Variants in FGFR3 observed in about 807,000 individuals in gnomAD.
FGFR3 encodes the protein fibroblast growth factor receptor 3.
Under a neutral mutation model 82.9 loss-of-function variants are expected in FGFR3, and 25 were observed. The ratio of observed to expected loss-of-function variants is 0.30; its 90% CI spans 0.22 to 0.42. The LOEUF is 0.42. FGFR3 is among the 10% of genes least tolerant of loss of function. FGFR3 has a pLI of 1.00. For missense variants in FGFR3, 1,026 were observed against 1,161.0 expected, an observed-to-expected ratio of 0.88 and a Z score of 1.69; for synonymous variants, 620 against 516.0, an observed-to-expected ratio of 1.20 and a Z score of -2.73.
intron 9 of FGFR3, 104 bp from the exon 10 acceptor site, chr4:1,804,720 T>G: frequency 6.9e-7 from 1 of 1,455,694 alleles, no homozygotes; most frequent in Non-Finnish European, 9.4e-7. Context: ...TCAATGCTGG[T>G]GGAAGTCAGA....
rs1482277979 is a variant in FGFR3 at position 1,808,090 on chromosome 4, CTG to C, written c.*829_*830del. On this transcript the variant is annotated 3_prime_UTR_variant, in exon 18 of 18. Coordinates refer to ENST00000440486, the MANE Select transcript of FGFR3 (RefSeq NM_000142.5). ...CTGGCACCGCAGTTTTGTTTTAAAA[CTG>C]GACCTGTATATTTGTAAAGCTATTT... 1 of 233,260 alleles carries C rather than the reference CTG, an allele frequency of 4.3e-6. No homozygotes were observed. Among genetic ancestry groups the C allele is most frequent in the African/African-American group, 2.2e-5 (1 of 45,312 alleles). The allele number at this position is 233,260 out of a possible 1,614,324, so 14.4% of individuals were successfully genotyped here. A position where few individuals can be genotyped will look rare whatever the true frequency, so the allele number is the denominator to read the frequency against.
At chr4:1,806,011 G>A (rs1157713056) in intron 13 of FGFR3, 40 bp from the exon 14 acceptor site, 1 of 1,612,642 alleles carries the variant, frequency 6.2e-7, no homozygotes, top group Non-Finnish European at 8.5e-7. Flanking sequence ...AGCGGGGAGA[G>A]GTGGAGAGGC....
intron 2 of FGFR3, among the ~76,000 whole-genome samples, chr4:1,796,594 C>T (rs1720544657): frequency 6.6e-6 from 1 of 152,196 alleles, no homozygotes; most frequent in South Asian, 2.1e-4. Flanking sequence ...TCCTTGTTCT[C>T]TGGGGTCAAC....
At position 1,793,477 on chromosome 4, in the gene FGFR3, G is replaced by T. The variant is rs1720069826; in HGVS notation, c.-103+12G>T. On this transcript the variant is annotated intron_variant, in intron 1 of 17. Coordinates refer to ENST00000440486, the MANE Select transcript of FGFR3 (RefSeq NM_000142.5). ...CCGGCGCTCGCCAGGTCCGTGCTTG[G>T]GGCCGGGCAGGCTCGCGGAGGGGTC... 1 of 149,500 alleles carries T rather than the reference G, an allele frequency of 6.7e-6. No homozygotes were observed. Among genetic ancestry groups the T allele is most frequent in the African/African-American group, 2.4e-5 (1 of 41,152 alleles). The allele number at this position is 149,500 out of a possible 1,614,324, so 9.3% of individuals were successfully genotyped here. A position where few individuals can be genotyped will look rare whatever the true frequency, so the allele number is the denominator to read the frequency against.
rs3135901 is a variant in FGFR3, at chr4:1,807,446, C to T, written c.*184C>T. 0.01 allele frequency: 9,463 copies of T among 934,964 alleles called. 612 individuals are homozygous for T. The African/African-American group carries it at 0.13, about 13-fold the overall frequency. The allele number at this position is 934,964 out of a possible 1,614,324, so 57.9% of individuals were successfully genotyped here. ...ACATCCGCGTGTGCCTGTGTGCGTGCGCATCTTGCCTCCAGGTGCAGAGGT... is the reference window on the plus strand; with the variant it reads ...ACATCCGCGTGTGCCTGTGTGCGTGTGCATCTTGCCTCCAGGTGCAGAGGT... On this transcript the variant is annotated 3_prime_UTR_variant, in exon 18 of 18. Transcript: ENST00000440486.
In FGFR3 at chr4:1,808,549, T is replaced by C; in HGVS notation, c.*1287T>C. 1 of 229,784 alleles carries C rather than the reference T, an allele frequency of 4.4e-6. No individual in the cohort carries two copies. The highest frequency in any genetic ancestry group is 2.2e-5 in the African/African-American group (1 of 45,180). 14.2% of individuals were successfully genotyped at this position (229,784 alleles called of 1,614,324 possible). A position where few individuals can be genotyped will look rare whatever the true frequency, so the allele number is the denominator to read the frequency against. On this transcript the variant is annotated 3_prime_UTR_variant, in exon 18 of 18. Coordinates refer to ENST00000440486, the MANE Select transcript of FGFR3 (RefSeq NM_000142.5). The stretch of plus-strand genomic sequence containing the variant: ...TGTTACAAGTTTATATATATCTATA[T>C]ATATAATTTATTGAGTTTTTACAAG...
intron 2 of FGFR3, among the ~76,000 whole-genome samples, chr4:1,794,824 A>C (rs925568449): frequency 6.6e-6 from 1 of 151,388 alleles, no homozygotes; most frequent in Non-Finnish European, 1.5e-5. Flanking sequence ...CCGGCTCCGG[A>C]CGGGCGAGGG....
In FGFR3 at chr4:1,807,191, G is replaced by T; in HGVS notation, c.2350G>T (p.Gly784Trp). 6.2e-7 allele frequency: 1 copy of T among 1,607,280 alleles called. No individual in the cohort carries two copies. Residue 784 changes from glycine to tryptophan, a missense_variant, in exon 18 of 18, where the codon GGG becomes TGG. Coordinates refer to ENST00000440486, the MANE Select transcript of FGFR3 (RefSeq NM_000142.5). ...GGACACCCCCAGCTCCAGCTCCTCA[G>T]GGGACGACTCCGTGTTTGCCCACGA... ...GQDTPSSSSS[G>W]DDSVFAHDLL... is the part of the protein sequence containing the mutation.
At chr4:1,795,289 G>C (rs1720353003) in intron 2 of FGFR3, among the ~76,000 whole-genome samples, 1 of 152,026 alleles carries the variant, frequency 6.6e-6, no homozygotes, top group Non-Finnish European at 1.5e-5. Context: ...TTCTCATTCA[G>C]ATAAAGATAT....
In FGFR3 at chr4:1,806,115, C is replaced by G. The variant is rs573600072; in HGVS notation, c.1901C>G (p.Ala634Gly). The G allele has an allele frequency of 6.2e-7, 1 of 1,613,606 alleles. No homozygotes were observed. The highest frequency in any genetic ancestry group is 1.1e-5 in the South Asian group (1 of 91,078). ...ACCGAGGACAACGTGATGAAGATCGCAGACTTCGGGCTGGCCCGGGACGTG... is the reference window on the plus strand; with the variant it reads ...ACCGAGGACAACGTGATGAAGATCGGAGACTTCGGGCTGGCCCGGGACGTG... Reference protein sequence around the residue: ...LVTEDNVMKIADFGLARDVHN... With the variant: ...LVTEDNVMKIGDFGLARDVHN... Residue 634 changes from alanine (A) to glycine (G), a missense_variant, in exon 14 of 18, where the codon GCA becomes GGA. Physicochemically the swap from Ala to Gly is moderately conservative, Grantham distance 60. This residue lies in a region of FGFR3 where 0 missense variants were observed against 18.2 expected (regional missense o/e 0.00). Coordinates refer to ENST00000440486, the MANE Select transcript of FGFR3 (RefSeq NM_000142.5).
chr4:1,795,396 C>A (rs905924802), intron 2 of FGFR3, among the ~76,000 whole-genome samples: 8 of 151,810 alleles, frequency 5.3e-5, no homozygotes, highest in Non-Finnish European at 8.8e-5. Context: ...CGCGGGGCCT[C>A]CCCCAGTCGC....
rs1293700770 is a variant in FGFR3, at chr4:1,806,052, G to A, written c.1838G>A (p.Cys613Tyr). 5 of 1,613,358 alleles carry A rather than the reference G, an allele frequency of 3.1e-6. No homozygotes were observed. Among genetic ancestry groups the A allele is most frequent in the South Asian group, 2.2e-5 (2 of 91,088 alleles). The part of the protein sequence containing the change: ...RGMEYLASQK[C>Y]IHRDLAARNV... Reference sequence around the variant, plus strand: ...CCCTGCCTCCCACCCCTTCCCCAGTGCATCCACAGGGACCTGGCTGCCCGC... The same window carrying A: ...CCCTGCCTCCCACCCCTTCCCCAGTACATCCACAGGGACCTGGCTGCCCGC... Residue 613 changes from cysteine to tyrosine, a missense_variant and splice_region_variant, in exon 14 of 18, where the codon TGC becomes TAC. By Grantham distance (194) the Cys-to-Tyr change is radical. This residue lies in a region of FGFR3 where 164 missense variants were observed against 167.5 expected (regional missense o/e 0.98). Transcript: ENST00000440486.
Position 1,807,953 on chromosome 4 carries a change from C to T in FGFR3, c.*691C>T, listed in dbSNP as rs1577299185. On this transcript the variant is annotated 3_prime_UTR_variant, in exon 18 of 18. Coordinates refer to ENST00000440486, the MANE Select transcript of FGFR3 (RefSeq NM_000142.5). Reference sequence around the variant, plus strand: ...GAGGAAAAGGCTGGTACAACGGAGGCCTGCGACCCTGGGGGCACAGGAGGC... The same window carrying T: ...GAGGAAAAGGCTGGTACAACGGAGGTCTGCGACCCTGGGGGCACAGGAGGC... 7.9e-6 allele frequency: 2 copies of T among 254,718 alleles called. No homozygotes were observed. Among genetic ancestry groups the T allele is most frequent in the East Asian group, 1.2e-4 (2 of 17,268 alleles). 15.8% of individuals were successfully genotyped at this position (254,718 alleles called of 1,614,324 possible). A position where few individuals can be genotyped will look rare whatever the true frequency, so the allele number is the denominator to read the frequency against.
rs556630886 is a variant in FGFR3 at position 1,799,888 on chromosome 4, A to T, written c.445+76A>T. 25 of 1,544,548 alleles carry T rather than the reference A, an allele frequency of 1.6e-5. No individual in the cohort carries two copies. The African/African-American group carries it at 3.1e-4, about 19-fold the overall frequency. ...CCGCCAAGCCCTGCCCTTCACAGGC[A>T]GCTGAGGGACTAAGGCCCCGGAACA... On this transcript the variant is annotated intron_variant, in intron 4 of 17. Transcript: ENST00000440486.
intron 10 of FGFR3, 36 bp from the exon 11 acceptor site, chr4:1,805,319 T>C (rs1410195202): frequency 2.5e-6 from 4 of 1,607,236 alleles, no homozygotes; most frequent in Non-Finnish European, 3.4e-6. Flanking sequence ...AGTGGGCGAG[T>C]TTGCACACTC....
intron 2 of FGFR3, among the ~76,000 whole-genome samples, chr4:1,798,112 C>T (rs1422248908): frequency 6.6e-6 from 1 of 152,122 alleles, no homozygotes; most frequent in Non-Finnish European, 1.5e-5. Context: ...CCCCCCAGCC[C>T]TGCCCATGGT....
Position 1,804,923 on chromosome 4 carries a change from G to A in FGFR3, c.1366G>A (p.Glu456Lys), listed in dbSNP as rs1201375716. Residue 456 changes from glutamate to lysine, a missense_variant, in exon 10 of 18, where the codon GAG (glutamate) becomes AAG (lysine). This residue lies in a region of FGFR3 where 256 missense variants were observed against 217.6 expected (regional missense o/e 1.18). Transcript: ENST00000440486. ...GEGPTLANVS[E>K]LELPADPKWE... ...GGGCCCCACGCTGGCCAATGTCTCC[G>A]AGCTCGAGCTGCCTGCCGACCCCAA... The A allele has an allele frequency of 1.1e-5, 17 of 1,549,980 alleles. No individual in the cohort carries two copies. The highest frequency in any genetic ancestry group is 1.3e-5 in the Non-Finnish European group (15 of 1,146,850).
Position 1,804,928 on chromosome 4 carries a change from C to G in FGFR3, c.1371C>G (p.Leu457=), listed in dbSNP as rs199758988. Residue 457 remains leucine (L), a synonymous_variant, in exon 10 of 18, where the codon CTC becomes CTG. Transcript: ENST00000440486. ...CCACGCTGGCCAATGTCTCCGAGCT[C>G]GAGCTGCCTGCCGACCCCAAATGGG... is the stretch of plus-strand genomic sequence containing the variant. ...EGPTLANVSE[L]ELPADPKWEL... 6.5e-6 allele frequency: 10 copies of G among 1,549,378 alleles called. No individual in the cohort carries two copies. Among genetic ancestry groups the G allele is most frequent in the Admixed American group, 3.9e-5 (2 of 50,992 alleles).
rs750990333 is a variant in FGFR3, at chr4:1,799,776, G to A, written c.409G>A (p.Gly137Arg). ...DAPSSGDDED[G>R]EDEAEDTGVD... ...TCCATCCTCGGGAGATGACGAAGAC[G>A]GGGAGGACGAGGCTGAGGACACAGG... The change falls in exon 4 of 18, where the codon GGG becomes AGG. Residue 137 changes from glycine to arginine, a missense_variant. Transcript: ENST00000440486. 1.1e-5 allele frequency: 18 copies of A among 1,612,942 alleles called. No individual in the cohort carries two copies. Among genetic ancestry groups the A allele is most frequent in the East Asian group, 4.5e-5 (2 of 44,896 alleles).
Sources: allele counts gnomAD v4.1 joint callset (sites outside exome capture counted in the v4.1 genomes callset), GRCh38; gene constraint gnomAD v4.1.1; regional missense constraint gnomAD v4.1.1; transcripts MANE v1.5; gene names NCBI Gene and HGNC (gene_info 2026-07-23, HGNC 2026-07-21).